LRRC28: variants seen among roughly 807,000 people sequenced by gnomAD.
LRRC28 encodes leucine rich repeat containing 28, also known as leucine-rich repeat-containing protein 28.
In LRRC28, 39 loss-of-function variants were observed where a neutral mutation model predicts 45.7. That is an observed-to-expected ratio of 0.85 (90% confidence interval 0.66 to 1.12). LRRC28 has a LOEUF of 1.12. Ranked by LOEUF, LRRC28 falls within the 50% of genes most tolerant of loss-of-function variation. The pLI is 0.00. For synonymous variants in LRRC28, 206 were observed against 178.8 expected, an observed-to-expected ratio of 1.15 and a Z score of -1.22; for missense variants, 435 against 438.5, an observed-to-expected ratio of 0.99 and a Z score of 0.07.
chr15:99,298,314 G>A (rs1051740622), intron 5 of LRRC28, among the ~76,000 whole-genome samples: 8 of 152,190 alleles, frequency 5.3e-5, no homozygotes, highest in Non-Finnish European at 1.0e-4. Context: ...CGGTTAAGGA[G>A]GGCTTAAGGA....
chr15:99,284,380 T>C (rs888932411), intron 3 of LRRC28, among the ~76,000 whole-genome samples: 2 of 152,214 alleles, frequency 1.3e-5, no homozygotes, highest in Non-Finnish European at 2.9e-5. Flanking sequence ...TTAAAACCCT[T>C]TGTTGGACTG....
chr15:99,317,089 A>C (rs1955625059), intron 5 of LRRC28, among the ~76,000 whole-genome samples: 2 of 151,686 alleles, frequency 1.3e-5, no homozygotes, highest in Non-Finnish European at 2.9e-5. Context: ...TGTTGCGTGT[A>C]CGCAAGTATG....
chr15:99,376,446 G>A (rs1957635799), intron 9 of LRRC28, among the ~76,000 whole-genome samples: 1 of 152,064 alleles, frequency 6.6e-6, no homozygotes, highest in Admixed American at 6.6e-5. Context: ...TTTCTAGTAT[G>A]TGTGTTTAGT....
In LRRC28 at chr15:99,352,463, G is replaced by A. The variant is rs1956914696; in HGVS notation, c.687G>A (p.Gly229=). Reference sequence around the variant, plus strand: ...CTTATCTGTACAATAAAGTCATCGGGTGCAGTGGGTAAGGCCGATTTCACA... The same window carrying A: ...CTTATCTGTACAATAAAGTCATCGGATGCAGTGGGTAAGGCCGATTTCACA... The part of the protein sequence containing the change: ...LPSYLYNKVI[G]CSGCGAPIQV... The change falls in exon 7 of 10, where the codon GGG becomes GGA. Residue 229 remains glycine (G), a synonymous_variant. Transcript: ENST00000301981. The A allele has an allele frequency of 6.2e-7, 1 of 1,611,464 alleles. No individual in the cohort carries two copies. Among genetic ancestry groups the A allele is most frequent in the South Asian group, 1.1e-5 (1 of 90,420 alleles).
chr15:99,362,466 G>T (rs910394937), intron 8 of LRRC28, among the ~76,000 whole-genome samples: 4 of 152,208 alleles, frequency 2.6e-5, no homozygotes, highest in Non-Finnish European at 4.4e-5. Flanking sequence ...TAGAAACCCA[G>T]TGTAAATGTG....
At chr15:99,275,534 T>G (rs908382457) in intron 2 of LRRC28, among the ~76,000 whole-genome samples, 1 of 152,206 alleles carries the variant, frequency 6.6e-6, no homozygotes, top group Admixed American at 6.5e-5. Flanking sequence ...TTGGAGGATA[T>G]ATTAGTTTTT....
At chr15:99,367,907 G>T (rs188702449) in intron 9 of LRRC28, among the ~76,000 whole-genome samples, 1 of 152,112 alleles carries the variant, frequency 6.6e-6, no homozygotes, top group Admixed American at 6.5e-5. Flanking sequence ...GGGGCTAAAA[G>T]TCCCAACCCT....
intron 5 of LRRC28, among the ~76,000 whole-genome samples, chr15:99,298,026 A>G (rs2082309920): frequency 6.6e-6 from 1 of 152,160 alleles, no homozygotes; most frequent in Non-Finnish European, 1.5e-5. Context: ...TCTAAAAAAC[A>G]AAAGTTCATT....
chr15:99,347,574 A>G lies in LRRC28; in HGVS notation c.593-4795A>G, dbSNP rs545096017. On this transcript the variant is annotated intron_variant, in intron 6 of 9. Coordinates refer to ENST00000301981, the MANE Select transcript of LRRC28 (RefSeq NM_144598.5). Reference sequence around the variant, plus strand: ...ATGTCTGGCTTATTTCACTTAGTATAATGTCTTCCAGATTCATCCAGGTTT... The same window carrying G: ...ATGTCTGGCTTATTTCACTTAGTATGATGTCTTCCAGATTCATCCAGGTTT... 3.9e-5 allele frequency among the ~76,000 whole-genome samples: 6 copies of G among 152,338 alleles called. No homozygotes were observed. The East Asian group carries it at 9.6e-4, about 24-fold the overall frequency.
Position 99,295,325 on chromosome 15 carries a change from A to T in LRRC28, c.385+7374A>T, listed in dbSNP as rs143796652. Among the ~76,000 whole-genome samples the T allele has an allele frequency of 2.8e-4, 43 of 152,368 alleles. No homozygotes were observed. In the East Asian group the frequency reaches 3.7e-3, roughly 13 times the overall value. ...AAACTATAACATTATTTGTCATAGA[A>T]CATATTTAAACTAATTTTCTCCCAA... On this transcript the variant is annotated intron_variant, in intron 5 of 9. Transcript: ENST00000301981.
chr15:99,266,308 C>A (rs551326150), intron 2 of LRRC28, among the ~76,000 whole-genome samples: 3 of 152,090 alleles, frequency 2.0e-5, no homozygotes, highest in South Asian at 4.1e-4. Context: ...AAAAGATGTT[C>A]AACTTTTAGA....
intron 2 of LRRC28, among the ~76,000 whole-genome samples, chr15:99,256,785 ATAAAC>A (rs2081034821): frequency 6.6e-6 from 1 of 152,266 alleles, no homozygotes; most frequent in Admixed American, 6.5e-5. Flanking sequence ...TACATATAAG[ATAAAC>A]TAAAAGTTTT....
intron 2 of LRRC28, among the ~76,000 whole-genome samples, chr15:99,273,656 T>C (rs972381536): frequency 6.6e-5 from 10 of 152,216 alleles, no homozygotes; most frequent in Admixed American, 2.0e-4. Flanking sequence ...AGATGCTCTA[T>C]TGGCAACAGA....
chr15:99,316,442 C>T (rs965100450), intron 5 of LRRC28, among the ~76,000 whole-genome samples: 2 of 151,754 alleles, frequency 1.3e-5, no homozygotes, highest in South Asian at 4.2e-4. Context: ...TAATAAGGAA[C>T]TAGAGAAATG....
chr15:99,375,354 A>G (rs1275078169), intron 9 of LRRC28, among the ~76,000 whole-genome samples: 1 of 152,078 alleles, frequency 6.6e-6, no homozygotes, highest in Non-Finnish European at 1.5e-5. Context: ...CTTTTTGTAC[A>G]TTTCTTTAAT....
chr15:99,337,792 C>A (rs564471932), intron 6 of LRRC28: 16 of 152,374 alleles, frequency 1.1e-4, no homozygotes, highest in African/African-American at 3.8e-4. Context: ...TGGGCACCAT[C>A]CTGGCTCACA....
chr15:99,374,835 ATT>A (rs78386790), intron 9 of LRRC28, among the ~76,000 whole-genome samples: 2 of 144,464 alleles, frequency 1.4e-5, no homozygotes, highest in Non-Finnish European at 1.5e-5. Flanking sequence ...GCCTGGCTAA[ATT>A]TTTTTTTTTT....
In LRRC28 at chr15:99,270,041, A is replaced by G. The variant is rs2081433541; in HGVS notation, c.169-6535A>G. ...CTATGACATATATAAAAATGGAGGG[A>G]AATACTGGAGAAGGAATGGACAAGT... is the stretch of plus-strand genomic sequence containing the variant. On this transcript the variant is annotated intron_variant, in intron 2 of 9. Transcript: ENST00000301981. 3.9e-5 allele frequency among the ~76,000 whole-genome samples: 6 copies of G among 152,186 alleles called. No individual in the cohort carries two copies. The South Asian group carries it at 1.2e-3, about 32-fold the overall frequency.
intron 6 of LRRC28, among the ~76,000 whole-genome samples, chr15:99,344,916 G>A (rs1956631067): frequency 6.6e-6 from 1 of 152,178 alleles, no homozygotes; most frequent in South Asian, 2.1e-4. Context: ...TTAAAGTATA[G>A]AAAAGTGTTA....
Sources: gnomAD v4.1 joint callset for allele counts (sites outside exome capture counted in the v4.1 genomes callset) on GRCh38, gnomAD v4.1.1 for gene constraint, MANE v1.5 for transcripts, NCBI Gene and HGNC (gene_info 2026-07-23, HGNC 2026-07-21) for gene names.